QKI: variants seen among roughly 807,000 people sequenced by gnomAD.
QKI encodes the protein KH domain-containing RNA-binding protein QKI.
Under a neutral mutation model 39.0 loss-of-function variants are expected in QKI, and 10 were observed. That is an observed-to-expected ratio of 0.26 (90% CI 0.16 to 0.43). The LOEUF (loss-of-function observed/expected upper bound fraction) is 0.43, where lower values mean the gene tolerates loss of function less well. Among genes scored for constraint, QKI ranks in the 20% least tolerant of loss-of-function variants. The probability of loss-of-function intolerance (pLI) is 1.00; values close to 1 mark genes in which losing one functional copy is unlikely to be tolerated. For missense variants in QKI, 218 were observed against 428.0 expected, an observed-to-expected ratio of 0.51 and a Z score of 4.33; for synonymous variants, 204 against 155.4, an observed-to-expected ratio of 1.31 and a Z score of -2.33.
At chr6:163,546,343 C>T (rs1781874061) in intron 4 of QKI, among the ~76,000 whole-genome samples, 1 of 151,816 alleles carries the variant, frequency 6.6e-6, no homozygotes, top group African/African-American at 2.4e-5. Context: ...TAATCATTCA[C>T]TTTATAGTAG....
At chr6:163,501,618 G>A (rs1273191099) in intron 3 of QKI, among the ~76,000 whole-genome samples, 1 of 152,160 alleles carries the variant, frequency 6.6e-6, no homozygotes, top group East Asian at 1.9e-4. Flanking sequence ...ATTTATGCTT[G>A]TGTAATAAAG....
At chr6:163,540,460 G>A (rs1781441951) in intron 4 of QKI, among the ~76,000 whole-genome samples, 1 of 152,048 alleles carries the variant, frequency 6.6e-6, no homozygotes. Context: ...TAAATGTTTA[G>A]TAAATCAGTT....
Position 163,576,357 on chromosome 6 carries a change from T to C in QKI, c.*5647T>C, listed in dbSNP as rs2083062574. The C allele has an allele frequency of 6.6e-6, 1 of 152,182 alleles. No individual in the cohort carries two copies. The allele number at this position is 152,182 out of a possible 1,614,324, so 9.4% of individuals were successfully genotyped here. A position where few individuals can be genotyped will look rare whatever the true frequency, so the allele number is the denominator to read the frequency against. On this transcript the variant is annotated 3_prime_UTR_variant, in exon 8 of 8. Transcript: ENST00000361752. ...ATTAATTCATAGTAGAAGGAGGCGATAGGTGCAGCAAAGGGCAGCCACAGT... is the reference window on the plus strand; with the variant it reads ...ATTAATTCATAGTAGAAGGAGGCGACAGGTGCAGCAAAGGGCAGCCACAGT...
intron 1 of QKI, among the ~76,000 whole-genome samples, chr6:163,419,381 T>C (rs1787806921): frequency 6.6e-6 from 1 of 152,114 alleles, no homozygotes; most frequent in Admixed American, 6.5e-5. Flanking sequence ...GAGAGGACTC[T>C]TGCTATACAG....
chr6:163,432,052 G>C (rs954294661), intron 1 of QKI, among the ~76,000 whole-genome samples: 1 of 152,104 alleles, frequency 6.6e-6, no homozygotes, highest in Non-Finnish European at 1.5e-5. Context: ...GAGTACCTTT[G>C]GGCCTGATCC....
chr6:163,467,723 G>C (rs999722643), intron 2 of QKI, among the ~76,000 whole-genome samples: 4 of 152,134 alleles, frequency 2.6e-5, no homozygotes, highest in Non-Finnish European at 5.9e-5. Context: ...TTAATATGAA[G>C]GTAACAAGGC....
chr6:163,525,992 A>G (rs1030058200), intron 3 of QKI, among the ~76,000 whole-genome samples: 4 of 152,242 alleles, frequency 2.6e-5, no homozygotes, highest in African/African-American at 9.6e-5. Context: ...TGACCACACT[A>G]ACTTTATTTT....
intron 3 of QKI, among the ~76,000 whole-genome samples, chr6:163,509,745 T>C (rs1002616282): frequency 6.6e-5 from 10 of 152,062 alleles, no homozygotes; most frequent in Admixed American, 1.3e-4. Context: ...TATATAGATA[T>C]ATTGTTCAAA....
chr6:163,557,262 A>G (rs1452455063), intron 4 of QKI, among the ~76,000 whole-genome samples: 1 of 152,178 alleles, frequency 6.6e-6, no homozygotes, highest in Admixed American at 6.5e-5. Context: ...GGCAAGTTAA[A>G]TCAGATGGAT....
chr6:163,575,460 T>C lies in QKI; in HGVS notation c.*4750T>C, dbSNP rs1389769692. On this transcript the variant is annotated 3_prime_UTR_variant, in exon 8 of 8. Transcript: ENST00000361752. ...AAGAATAGTAAAATTCTAGAGTCAG[T>C]TGATTGATTGAAACTATTTGACAAA... 6.6e-6 allele frequency: 1 copy of C among 152,104 alleles called. No individual in the cohort carries two copies. Among genetic ancestry groups the C allele is most frequent in the African/African-American group, 2.4e-5 (1 of 41,376 alleles). The allele number at this position is 152,104 out of a possible 1,614,324, so 9.4% of individuals were successfully genotyped here.
At position 163,428,731 on chromosome 6, in the gene QKI, G is replaced by A. The variant is rs1287793114; in HGVS notation, c.142+13396G>A. ...AATGTATTTAAGTTATATTTTCCTA[G>A]TTCAGTTATATTGAGCTTTTTTTTT... On this transcript the variant is annotated intron_variant, in intron 1 of 7. Transcript: ENST00000361752. 7.0e-5 allele frequency among the ~76,000 whole-genome samples: 10 copies of A among 142,196 alleles called. No individual in the cohort carries two copies. In the East Asian group the frequency reaches 1.1e-3, roughly 15 times the overall value. The allele number at this position is 142,196 out of a possible 152,430, so 93.3% of individuals were successfully genotyped here.
At chr6:163,462,555 A>G (rs1438145088) in intron 2 of QKI, among the ~76,000 whole-genome samples, 1 of 152,178 alleles carries the variant, frequency 6.6e-6, no homozygotes, top group Non-Finnish European at 1.5e-5. Flanking sequence ...TGTACTTTTA[A>G]GATTGCATAT....
At position 163,468,675 on chromosome 6, in the gene QKI, T is replaced by C. The variant is rs577800305; in HGVS notation, c.286-10105T>C. ...ACAGAGAAGGTCTGTATTTAAACAG[T>C]AGGGTTAATGAATATCTTTTTTTCC... On this transcript the variant is annotated intron_variant, in intron 2 of 7. Coordinates refer to ENST00000361752, the MANE Select transcript of QKI (RefSeq NM_006775.3). Among the ~76,000 whole-genome samples the C allele has an allele frequency of 7.2e-5, 11 of 152,304 alleles. No individual in the cohort carries two copies. In the South Asian group the frequency reaches 2.3e-3, roughly 32 times the overall value.
At position 163,415,342 on chromosome 6, in the gene QKI, G is replaced by T. The variant is rs369658575; in HGVS notation, c.142+7G>T. 1 of 1,579,178 alleles carries T rather than the reference G, an allele frequency of 6.3e-7. No homozygotes were observed. ...GAGCGGCTGCTGGACGAAGGTGAGC[G>T]TCTCCAGGGCCCCGGCCCCGGCCCG... On this transcript the variant is annotated splice_region_variant and intron_variant, in intron 1 of 7. Transcript: ENST00000361752.
At chr6:163,447,077 C>T (rs1257300452) in intron 1 of QKI, among the ~76,000 whole-genome samples, 2 of 152,200 alleles carry the variant, frequency 1.3e-5, no homozygotes, top group Non-Finnish European at 2.9e-5. Context: ...TCTCTAATTA[C>T]CGTTTCTTAA....
intron 1 of QKI, among the ~76,000 whole-genome samples, chr6:163,440,820 T>C (rs959371697): frequency 4.6e-5 from 7 of 152,158 alleles, no homozygotes; most frequent in African/African-American, 1.7e-4. Flanking sequence ...AATACATAGT[T>C]GTTGAATGCA....
intron 2 of QKI, among the ~76,000 whole-genome samples, chr6:163,477,916 G>A (rs1224290420): frequency 6.6e-6 from 1 of 152,166 alleles, no homozygotes; most frequent in Non-Finnish European, 1.5e-5. Flanking sequence ...AAGACCATAT[G>A]CATAAGAATC....
chr6:163,433,469 A>G (rs182549705), intron 1 of QKI, among the ~76,000 whole-genome samples: 37 of 152,316 alleles, frequency 2.4e-4, no homozygotes, highest in South Asian at 6.2e-4. Context: ...GAAAAATAGT[A>G]TAAGAATGAA....
chr6:163,439,268 G>A (rs558014640), intron 1 of QKI, among the ~76,000 whole-genome samples: 1 of 149,570 alleles, frequency 6.7e-6, no homozygotes, highest in Non-Finnish European at 1.5e-5. Flanking sequence ...AATATTTGTT[G>A]TTCAAGCGAA....
Sources: allele counts gnomAD v4.1 joint callset (sites outside exome capture counted in the v4.1 genomes callset), GRCh38; gene constraint gnomAD v4.1.1; transcripts MANE v1.5; gene names NCBI Gene and HGNC (gene_info 2026-07-23, HGNC 2026-07-21).